Variants in CCAR1 observed in about 807,000 individuals in gnomAD.
The protein encoded by CCAR1 is cell division cycle and apoptosis regulator protein 1.
CCAR1 carries 78 observed loss-of-function variants against 163.8 expected under a neutral mutation model. The ratio of observed to expected loss-of-function variants is 0.48; its 90% CI spans 0.40 to 0.57. The LOEUF is 0.57. CCAR1 is among the 20% of genes least tolerant of loss of function. CCAR1 has a pLI of 0.00. For synonymous variants in CCAR1, 443 were observed against 460.7 expected (o/e 0.96, Z 0.49); for missense variants, 1,019 against 1,365.2 (o/e 0.75, Z 4.00).
intron 2 of CCAR1, among the ~76,000 whole-genome samples, chr10:68,728,578 C>A (rs918387636): frequency 3.9e-5 from 6 of 152,098 alleles, no homozygotes; most frequent in African/African-American, 1.4e-4. Context: ...TGTCTGAGAG[C>A]GGAAGAGCTG....
intron 10 of CCAR1, among the ~76,000 whole-genome samples, chr10:68,753,381 A>G (rs922377925): frequency 4.6e-5 from 7 of 152,188 alleles, no homozygotes; most frequent in South Asian, 2.1e-4. Flanking sequence ...TTTTGAATGT[A>G]AGTATGCTTG....
chr10:68,766,186 G>T (rs7069794), intron 17 of CCAR1, 107 bp downstream of exon 17: 42,034 of 716,586 alleles, frequency 0.059, 2,745 homozygotes, highest in East Asian at 0.31. Context: ...GCTTTTCGTG[G>T]TTTTTTTTGT....
intron 16 of CCAR1, 60 bp from the exon 17 acceptor site, chr10:68,765,828 G>A: frequency 8.9e-7 from 1 of 1,123,686 alleles, no homozygotes; most frequent in Non-Finnish European, 1.3e-6. Context: ...TATTCATCTT[G>A]CACATGTATA....
rs1564540742 is a variant in CCAR1, at chr10:68,756,765, G to A, written c.1836+282G>A. ...TCATAGGTCTAGTTGCTGGAATCTG[G>A]GACCAGTTGTTGAACAAGATTCAGT... On this transcript the variant is annotated intron_variant, in intron 14 of 24. Coordinates refer to ENST00000265872, the MANE Select transcript of CCAR1 (RefSeq NM_018237.4). This position sits in a 1 kb window ranked among gnomAD's most constrained non-coding sequence, Gnocchi z 5.1. 2.2e-6 allele frequency: 1 copy of A among 456,942 alleles called. No individual in the cohort carries two copies. Among genetic ancestry groups the A allele is most frequent in the Non-Finnish European group, 4.0e-6 (1 of 248,710 alleles). 28.3% of individuals were successfully genotyped at this position (456,942 alleles called of 1,614,324 possible).
At chr10:68,743,407 A>T (rs1327168388) in intron 6 of CCAR1, among the ~76,000 whole-genome samples, 1 of 151,302 alleles carries the variant, frequency 6.6e-6, no homozygotes, top group Non-Finnish European at 1.5e-5. Context: ...CTCACGATCC[A>T]CCTGCCTCGG....
At chr10:68,746,353 T>C (rs1165807375) in intron 6 of CCAR1, among the ~76,000 whole-genome samples, 1 of 151,992 alleles carries the variant, frequency 6.6e-6, no homozygotes, top group Admixed American at 6.6e-5. Flanking sequence ...CTTGGCTCAC[T>C]GCAACCTCCG....
intron 2 of CCAR1, among the ~76,000 whole-genome samples, chr10:68,730,861 T>G (rs1456635837): frequency 6.6e-6 from 1 of 151,986 alleles, no homozygotes; most frequent in Non-Finnish European, 1.5e-5. Context: ...CTACCAAATT[T>G]TTTATATTTT....
intron 3 of CCAR1, 36 bp from the exon 4 acceptor site, chr10:68,737,809 T>C (rs776476998): frequency 7.6e-7 from 1 of 1,317,022 alleles, no homozygotes; most frequent in East Asian, 2.4e-5. Flanking sequence ...TTAGTGTCTG[T>C]ATTTTTCTTT....
At chr10:68,731,295 T>C (rs960753061) in intron 2 of CCAR1, among the ~76,000 whole-genome samples, 15 of 152,226 alleles carry the variant, frequency 9.9e-5, no homozygotes, top group Non-Finnish European at 1.6e-4. Context: ...TCACATTGAG[T>C]GCAGAATGCA....
intron 5 of CCAR1, among the ~76,000 whole-genome samples, chr10:68,740,883 T>A (rs889768639): frequency 2.8e-5 from 4 of 144,892 alleles, no homozygotes; most frequent in East Asian, 2.0e-4. Context: ...TGAGGTTTTA[T>A]TTTATTTATT....
chr10:68,769,023 G>A (rs905668746), intron 17 of CCAR1, among the ~76,000 whole-genome samples: 2 of 152,164 alleles, frequency 1.3e-5, no homozygotes, highest in Admixed American at 6.6e-5. Flanking sequence ...CGCCCAGGCT[G>A]TAGTGTAATG....
At chr10:68,783,327 C>A (rs917936994) in intron 19 of CCAR1, among the ~76,000 whole-genome samples, 2 of 152,004 alleles carry the variant, frequency 1.3e-5, no homozygotes, top group Non-Finnish European at 2.9e-5. Flanking sequence ...GTAGCCACCA[C>A]CACGCCTGGC....
At chr10:68,724,673 A>G (rs897555264) in intron 2 of CCAR1, among the ~76,000 whole-genome samples, 2 of 152,074 alleles carry the variant, frequency 1.3e-5, no homozygotes, top group South Asian at 2.1e-4. Context: ...GGTTCTAGCT[A>G]TTCAGGGAGG....
Position 68,747,409 on chromosome 10 carries a change from T to G in CCAR1, c.669T>G (p.Pro223=), listed in dbSNP as rs773665000. ...QSQTQPLLKT[P]PAVLQPIAPQ... is the part of the protein sequence containing the mutation. The stretch of plus-strand genomic sequence containing the variant: ...AAACCCAGCCATTACTGAAGACTCC[T>G]CCTGCTGTACTTCAGCCAATTGCAC... The change falls in exon 8 of 25, where the codon CCT becomes CCG. Residue 223 remains proline (P), a synonymous_variant. Transcript: ENST00000265872. 6.2e-7 allele frequency: 1 copy of G among 1,614,126 alleles called. No homozygotes were observed. The highest frequency in any genetic ancestry group is 8.5e-7 in the Non-Finnish European group (1 of 1,180,018).
At chr10:68,735,897 G>T (rs1162964) in intron 2 of CCAR1, 1 of 152,134 alleles carries the variant, frequency 6.6e-6, no homozygotes, top group Non-Finnish European at 1.5e-5. Flanking sequence ...CTCTGTTGCC[G>T]AGGCTGGAGT....
At chr10:68,784,382 AT>A (rs2056771753) in intron 19 of CCAR1, among the ~76,000 whole-genome samples, 1 of 151,334 alleles carries the variant, frequency 6.6e-6, no homozygotes, top group African/African-American at 2.4e-5. Flanking sequence ...CACCCCACTT[AT>A]TTTTGTGTTT....
At chr10:68,757,973 C>T (rs1008720080) in intron 15 of CCAR1, among the ~76,000 whole-genome samples, 1 of 150,962 alleles carries the variant, frequency 6.6e-6, no homozygotes, top group Non-Finnish European at 1.5e-5. Context: ...AATCTCCTGA[C>T]CTCGTGATTC....
chr10:68,789,697 T>C lies in CCAR1; in HGVS notation c.3188-13T>C, dbSNP rs2056832620. Reference sequence around the variant, plus strand: ...AGGAAGTAAAATGTTAATTTTTGGATTTTTTTAAACAGATGAAGATGAAAA... The same window carrying C: ...AGGAAGTAAAATGTTAATTTTTGGACTTTTTTAAACAGATGAAGATGAAAA... On this transcript the variant is annotated splice_polypyrimidine_tract_variant and intron_variant, in intron 23 of 24. Coordinates refer to ENST00000265872, the MANE Select transcript of CCAR1 (RefSeq NM_018237.4). 6.7e-7 allele frequency: 1 copy of C among 1,494,730 alleles called. No homozygotes were observed. The highest frequency in any genetic ancestry group is 9.0e-7 in the Non-Finnish European group (1 of 1,107,914). The allele number at this position is 1,494,730 out of a possible 1,614,324, so 92.6% of individuals were successfully genotyped here.
At chr10:68,735,786 A>ACAACCGC (rs2056101608) in intron 2 of CCAR1, 1 of 152,164 alleles carries the variant, frequency 6.6e-6, no homozygotes, top group South Asian at 2.1e-4. Flanking sequence ...CAGTAACTGA[A>ACAACCGC]TAACCGCTTT....
Sources: gnomAD v4.1 joint callset for allele counts (sites outside exome capture counted in the v4.1 genomes callset) on GRCh38, gnomAD v4.1.1 for gene constraint, Gnocchi (gnomAD v3.1) non-coding constraint, MANE v1.5 for transcripts, NCBI Gene and HGNC (gene_info 2026-07-23, HGNC 2026-07-21) for gene names.